The following GRM8 variants were observed in gnomAD, a reference collection of about 807,000 sequenced individuals.
GRM8 encodes the protein glutamate metabotropic receptor 8.
GRM8 carries 47 observed loss-of-function variants against 87.2 expected under a neutral mutation model. That is an observed-to-expected ratio of 0.54 (90% CI 0.43 to 0.69). GRM8 has a LOEUF of 0.69. Among genes scored for constraint, GRM8 ranks in the 30% least tolerant of loss-of-function variants. The probability of loss-of-function intolerance (pLI) is 0.00; values close to 1 mark genes in which losing one functional copy is unlikely to be tolerated. For missense variants in GRM8, 1,019 were observed against 1,139.2 expected, an observed-to-expected ratio of 0.89 and a Z score of 1.52; for synonymous variants, 396 against 404.5, an observed-to-expected ratio of 0.98 and a Z score of 0.25.
At chr7:126,846,332 C>T (rs1446263933) in intron 6 of GRM8, among the ~76,000 whole-genome samples, 1 of 152,122 alleles carries the variant, frequency 6.6e-6, no homozygotes, top group East Asian at 1.9e-4. Context: ...AAGATGATTC[C>T]CTCTCATCCA....
intron 7 of GRM8, among the ~76,000 whole-genome samples, chr7:126,641,110 G>T (rs1802334784): frequency 6.6e-6 from 1 of 152,054 alleles, no homozygotes; most frequent in Admixed American, 6.6e-5. Context: ...GTTAACATCA[G>T]CTTATATTTC....
intron 2 of GRM8, among the ~76,000 whole-genome samples, chr7:127,220,732 C>A (rs1370560803): frequency 6.6e-6 from 1 of 152,256 alleles, no homozygotes; most frequent in Non-Finnish European, 1.5e-5. Context: ...CAAGTACTCC[C>A]CCTATCTTGG....
At chr7:126,575,959 G>A (rs1795081206) in intron 8 of GRM8, among the ~76,000 whole-genome samples, 2 of 152,118 alleles carry the variant, frequency 1.3e-5, no homozygotes, top group Admixed American at 6.6e-5. Context: ...ACATGATGGA[G>A]GCTGATGGAG....
chr7:126,446,081 A>G, intron 10 of GRM8, 45 bp downstream of exon 10: 2 of 1,608,798 alleles, frequency 1.2e-6, no homozygotes, highest in Non-Finnish European at 1.7e-6. Flanking sequence ...ATCTATTAGG[A>G]AGTGCTCCCG....
intron 3 of GRM8, among the ~76,000 whole-genome samples, chr7:127,044,054 A>G (rs17867740): frequency 0.071 from 10,813 of 152,278 alleles, 530 homozygotes; most frequent in South Asian, 0.12. Context: ...CAGAAGGGAG[A>G]GGTGAACAGA....
At chr7:126,855,651 T>C (rs1469199878) in intron 6 of GRM8, among the ~76,000 whole-genome samples, 1 of 152,054 alleles carries the variant, frequency 6.6e-6, no homozygotes, top group Non-Finnish European at 1.5e-5. Context: ...AATTTTTGTA[T>C]TTTTAGTAGA....
At chr7:126,772,645 G>A (rs1419517684) in intron 6 of GRM8, among the ~76,000 whole-genome samples, 1 of 152,084 alleles carries the variant, frequency 6.6e-6, no homozygotes, top group East Asian at 1.9e-4. Context: ...TTATGGTATT[G>A]AAGTATGAAA....
chr7:126,465,324 G>C (rs532162031), intron 9 of GRM8: 1 of 144,582 alleles, frequency 6.9e-6, no homozygotes, highest in African/African-American at 2.5e-5. Flanking sequence ...AAAAATTTTA[G>C]AGTCAGCTTG....
At chr7:127,178,861 C>A (rs2116389931) in intron 2 of GRM8, among the ~76,000 whole-genome samples, 1 of 152,130 alleles carries the variant, frequency 6.6e-6, no homozygotes, top group Middle Eastern at 3.4e-3. Flanking sequence ...TGAAACAAAT[C>A]CTGGAAACAC....
intron 3 of GRM8, among the ~76,000 whole-genome samples, chr7:127,041,761 G>A (rs143876268): frequency 6.6e-6 from 1 of 152,270 alleles, no homozygotes; most frequent in East Asian, 1.9e-4. Flanking sequence ...TCCTACCCAG[G>A]TTTCCAGTCA....
chr7:127,106,659 C>A lies in GRM8; in HGVS notation c.564G>T (p.Arg188Ser). 6.2e-7 allele frequency: 1 copy of A among 1,613,920 alleles called. No individual in the cohort carries two copies. The highest frequency in any genetic ancestry group is 8.5e-7 in the Non-Finnish European group (1 of 1,179,880). Residue 188 changes from arginine (R) to serine (S), a missense_variant, in exon 3 of 11, where the codon AGG (arginine) becomes AGT (serine). Coordinates refer to ENST00000339582, the MANE Select transcript of GRM8 (RefSeq NM_000845.3). ...STAPELSDNT[R>S]YDFFSRVVPP... is the part of the protein sequence containing the mutation. ...GAACCACTCGAGAGAAAAAGTCATA[C>A]CTGGTGTTATCACTTAGCTCTGGGG...
intron 2 of GRM8, among the ~76,000 whole-genome samples, chr7:127,206,026 A>G (rs1383244784): frequency 6.6e-6 from 1 of 152,232 alleles, no homozygotes; most frequent in African/African-American, 2.4e-5. Flanking sequence ...CCTGCCAGGT[A>G]TAGATGGGAG....
rs546534936 is a variant in GRM8 at position 126,515,022 on chromosome 7, G to T, written c.2430+17930C>A. Among the ~76,000 whole-genome samples the T allele has an allele frequency of 5.9e-5, 9 of 152,032 alleles. No homozygotes were observed. In the East Asian group the frequency reaches 1.4e-3, roughly 23 times the overall value. On this transcript the variant is annotated intron_variant, in intron 9 of 10. Transcript: ENST00000339582. ...TGTTTCTTTAAAATTATTATATGAA[G>T]GTCTCCCATATTTATCACACGAGTA...
intron 7 of GRM8, among the ~76,000 whole-genome samples, chr7:126,688,966 G>T (rs1585531142): frequency 6.6e-6 from 1 of 152,260 alleles, no homozygotes; most frequent in East Asian, 1.9e-4. Context: ...TCTTTCCATT[G>T]GTTCCAAGCT....
chr7:127,231,637 C>CG (rs1797689527), intron 2 of GRM8, among the ~76,000 whole-genome samples: 1 of 152,140 alleles, frequency 6.6e-6, no homozygotes, highest in African/African-American at 2.4e-5. Context: ...GTCATGTCAG[C>CG]CATCTCTGGC....
intron 8 of GRM8, among the ~76,000 whole-genome samples, chr7:126,579,587 A>G (rs1052732994): frequency 1.3e-5 from 2 of 152,176 alleles, no homozygotes; most frequent in African/African-American, 4.8e-5. Context: ...ACATGTCATC[A>G]TTGTCCAACT....
intron 6 of GRM8, among the ~76,000 whole-genome samples, chr7:126,799,381 T>C (rs891844272): frequency 5.3e-5 from 8 of 152,026 alleles, no homozygotes; most frequent in African/African-American, 1.9e-4. Flanking sequence ...CAAATACCAA[T>C]CAGTAGTGAG....
chr7:126,905,993 T>A (rs1281165179), intron 3 of GRM8, among the ~76,000 whole-genome samples: 5 of 152,170 alleles, frequency 3.3e-5, no homozygotes, highest in African/African-American at 9.7e-5. Context: ...ACGGCTTTGT[T>A]AGACATGCCA....
rs193032380 is a variant in GRM8 at position 127,200,149 on chromosome 7, C to T, written c.510+42546G>A. Among the ~76,000 whole-genome samples, 4 of 152,274 alleles carry T rather than the reference C, an allele frequency of 2.6e-5. No individual in the cohort carries two copies. In the East Asian group the frequency reaches 7.7e-4, roughly 29 times the overall value. The stretch of plus-strand genomic sequence containing the variant: ...TCCATTATAAAAATCTACCAAGTTT[C>T]CTCAGGCTCATCCCCACACATACCT... On this transcript the variant is annotated intron_variant, in intron 2 of 10. Coordinates refer to ENST00000339582, the MANE Select transcript of GRM8 (RefSeq NM_000845.3).
Sources: gnomAD v4.1 joint callset for allele counts (sites outside exome capture counted in the v4.1 genomes callset) on GRCh38, gnomAD v4.1.1 for gene constraint, MANE v1.5 for transcripts, NCBI Gene and HGNC (gene_info 2026-07-23, HGNC 2026-07-21) for gene names.